The following SCGN variants were observed in gnomAD, a reference collection of about 807,000 sequenced individuals.
The protein encoded by SCGN is secretagogin.
A neutral mutation model predicts 39.7 loss-of-function variants in SCGN; 30 were observed. That is an observed-to-expected ratio of 0.76 (90% CI 0.57 to 1.03). The LOEUF (loss-of-function observed/expected upper bound fraction) is 1.03, where lower values mean the gene tolerates loss of function less well. SCGN is among the 50% of genes least tolerant of loss of function. The pLI, the probability that SCGN is intolerant of heterozygous loss-of-function variation, is 0.00. For synonymous variants in SCGN, 106 were observed against 114.1 expected (o/e 0.93, Z 0.45); for missense variants, 353 against 349.4 (o/e 1.01, Z -0.08).
chr6:25,687,062 C>A (rs1759714551), intron 7 of SCGN, among the ~76,000 whole-genome samples: 1 of 152,194 alleles, frequency 6.6e-6, no homozygotes, highest in African/African-American at 2.4e-5. Flanking sequence ...TGTCCTTATG[C>A]CAATATCACA....
intron 9 of SCGN, among the ~76,000 whole-genome samples, chr6:25,690,540 A>G (rs931945165): frequency 4.6e-5 from 7 of 152,200 alleles, no homozygotes; most frequent in East Asian, 1.9e-4. Flanking sequence ...ATAGATGTTC[A>G]TATTTGCATG....
chr6:25,664,268 A>G (rs1039761780), intron 3 of SCGN, among the ~76,000 whole-genome samples: 1 of 152,248 alleles, frequency 6.6e-6, no homozygotes, highest in African/African-American at 2.4e-5. Context: ...ACACTCAAGT[A>G]TCAAGCCAGG....
intron 7 of SCGN, among the ~76,000 whole-genome samples, chr6:25,687,035 CCATTT>C (rs1285673309): frequency 1.3e-5 from 2 of 152,142 alleles, no homozygotes; most frequent in African/African-American, 4.8e-5. Flanking sequence ...CAATTCTATT[CCATTT>C]ATCTACATAT....
At position 25,652,375 on chromosome 6, in the gene SCGN, G is replaced by C; in HGVS notation, c.-29G>C. Reference sequence around the variant, plus strand: ...CCCAAAGTTGTCTAGGTCCTTCCGCGCCGGTGCCTGGTCTTCGTCGTCAAC... The same window carrying C: ...CCCAAAGTTGTCTAGGTCCTTCCGCCCCGGTGCCTGGTCTTCGTCGTCAAC... On this transcript the variant is annotated 5_prime_UTR_variant, in exon 1 of 11. Transcript: ENST00000377961. 2 of 1,606,116 alleles carry C rather than the reference G, an allele frequency of 1.2e-6. No individual in the cohort carries two copies. The highest frequency in any genetic ancestry group is 1.7e-6 in the Non-Finnish European group (2 of 1,172,962).
intron 4 of SCGN, among the ~76,000 whole-genome samples, chr6:25,666,903 G>T (rs1760433378): frequency 6.6e-6 from 1 of 152,012 alleles, no homozygotes; most frequent in Non-Finnish European, 1.5e-5. Flanking sequence ...TATTTTAAAT[G>T]ACATTTTCAA....
chr6:25,699,852 G>A (rs1316046474), intron 10 of SCGN, among the ~76,000 whole-genome samples: 1 of 152,102 alleles, frequency 6.6e-6, no homozygotes, highest in African/African-American at 2.4e-5. Flanking sequence ...TGGTTCGGGT[G>A]AGCTCTGAAA....
At chr6:25,676,925 G>A (rs1179726600) in intron 6 of SCGN, among the ~76,000 whole-genome samples, 1 of 152,172 alleles carries the variant, frequency 6.6e-6, no homozygotes, top group Admixed American at 6.5e-5. Flanking sequence ...AATGATGCCA[G>A]TCACCTGTGC....
At chr6:25,688,048 T>C (rs1009741643) in intron 7 of SCGN, among the ~76,000 whole-genome samples, 3 of 152,232 alleles carry the variant, frequency 2.0e-5, no homozygotes, top group African/African-American at 7.2e-5. Flanking sequence ...CTCCACAACA[T>C]AGATTTTTAG....
At chr6:25,673,124 A>G (rs1303461145) in intron 6 of SCGN, among the ~76,000 whole-genome samples, 1 of 152,102 alleles carries the variant, frequency 6.6e-6, no homozygotes, top group Non-Finnish European at 1.5e-5. Context: ...CAAAATAAGG[A>G]ACATTTGTCT....
intron 3 of SCGN, among the ~76,000 whole-genome samples, chr6:25,663,233 C>T (rs760952945): frequency 1.5e-4 from 23 of 152,114 alleles, no homozygotes; most frequent in Non-Finnish European, 2.2e-4. Context: ...TACAGGTAGT[C>T]GTGACATAAA....
rs144413325 is a variant in SCGN at position 25,654,809 on chromosome 6, TC to T, written c.153+1359del. 8.9e-3 allele frequency among the ~76,000 whole-genome samples: 1,357 copies of T among 152,300 alleles called. 17 individuals are homozygous for T. The highest frequency in any genetic ancestry group is 0.03 in the African/African-American group (1,227 of 41,564). Reference sequence around the variant, plus strand: ...TTTATTGCTCTTTGTCTGCCTGCACTCCACCCCTTACCCTGTGCAGCCTGTG... The same window carrying T: ...TTTATTGCTCTTTGTCTGCCTGCACTCACCCCTTACCCTGTGCAGCCTGTG... On this transcript the variant is annotated intron_variant, in intron 2 of 10. Transcript: ENST00000377961.
intron 3 of SCGN, among the ~76,000 whole-genome samples, chr6:25,663,946 G>A (rs192674323): frequency 6.6e-6 from 1 of 152,128 alleles, no homozygotes; most frequent in Non-Finnish European, 1.5e-5. Flanking sequence ...CTGTGGTATT[G>A]TACAAGACAC....
chr6:25,658,633 A>G (rs1760278377), intron 2 of SCGN, among the ~76,000 whole-genome samples: 1 of 152,206 alleles, frequency 6.6e-6, no homozygotes, highest in African/African-American at 2.4e-5. Flanking sequence ...TCTTGTTCAT[A>G]TAACTTTAAT....
intron 2 of SCGN, among the ~76,000 whole-genome samples, chr6:25,659,212 T>C (rs1037773907): frequency 6.6e-6 from 1 of 152,250 alleles, no homozygotes; most frequent in African/African-American, 2.4e-5. Flanking sequence ...GGTCTTATAA[T>C]ATCTAAAGCT....
chr6:25,699,988 G>A (rs1759889212), intron 10 of SCGN, among the ~76,000 whole-genome samples: 2 of 152,032 alleles, frequency 1.3e-5, no homozygotes, highest in African/African-American at 4.8e-5. Flanking sequence ...GCTCACTCCT[G>A]TAATCCTAGC....
intron 10 of SCGN, among the ~76,000 whole-genome samples, chr6:25,694,573 T>C (rs1042196202): frequency 6.6e-6 from 1 of 152,244 alleles, no homozygotes; most frequent in Non-Finnish European, 1.5e-5. Flanking sequence ...AGCTAGTTCC[T>C]AGAGACCAAG....
intron 2 of SCGN, among the ~76,000 whole-genome samples, chr6:25,658,360 C>G (rs1184692668): frequency 6.6e-6 from 1 of 151,326 alleles, no homozygotes; most frequent in Non-Finnish European, 1.5e-5. Context: ...TTTTTTTTAA[C>G]TAGACCCTTC....
chr6:25,662,416 T>C (rs1760352594), intron 3 of SCGN, among the ~76,000 whole-genome samples: 1 of 152,188 alleles, frequency 6.6e-6, no homozygotes, highest in Admixed American at 6.5e-5. Flanking sequence ...TATGAATCTA[T>C]ACAGGTTCAT....
At chr6:25,670,111 G>A in intron 6 of SCGN, 35 bp downstream of exon 6, 3 of 1,424,962 alleles carry the variant, frequency 2.1e-6, no homozygotes, top group Non-Finnish European at 3.0e-6. Context: ...CATGAGGGCA[G>A]CTCCCCCACT....
Sources: allele counts gnomAD v4.1 joint callset (sites outside exome capture counted in the v4.1 genomes callset), GRCh38; gene constraint gnomAD v4.1.1; transcripts MANE v1.5; gene names NCBI Gene and HGNC (gene_info 2026-07-23, HGNC 2026-07-21).